SCTR: variants seen among roughly 807,000 people sequenced by gnomAD.
SCTR encodes the protein pancreatic secretin receptor.
A neutral mutation model predicts 60.8 loss-of-function variants in SCTR; 56 were observed. That is an observed-to-expected ratio of 0.92 (90% CI 0.74 to 1.15). The LOEUF (loss-of-function observed/expected upper bound fraction) is 1.15. SCTR is among the 50% of genes most tolerant of loss of function. The pLI is 0.00. For missense variants in SCTR, 562 were observed against 550.4 expected (o/e 1.02, Z -0.21); for synonymous variants, 202 against 217.0 (o/e 0.93, Z 0.61).
chr2:119,501,068 A>G (rs13406742), intron 1 of SCTR, among the ~76,000 whole-genome samples: 10,067 of 152,248 alleles, frequency 0.066, 1,104 homozygotes, highest in African/African-American at 0.23. Flanking sequence ...AGTAAGCCAG[A>G]CACAAAAAGA....
chr2:119,462,108 C>CA (rs1159239382), intron 6 of SCTR, 108 bp from the exon 7 acceptor site: 1 of 1,084,566 alleles, frequency 9.2e-7, no homozygotes, highest in Non-Finnish European at 1.3e-6. Context: ...AGCCAGGCCA[C>CA]AAGAGCGGGC....
At chr2:119,477,608 G>A (rs1482081615) in intron 3 of SCTR, among the ~76,000 whole-genome samples, 3 of 152,174 alleles carry the variant, frequency 2.0e-5, no homozygotes, top group South Asian at 2.1e-4. Flanking sequence ...GCACCACCAC[G>A]CCTAGCTAAT....
intron 1 of SCTR, among the ~76,000 whole-genome samples, chr2:119,520,223 G>A (rs969950121): frequency 1.3e-5 from 2 of 152,192 alleles, no homozygotes; most frequent in Non-Finnish European, 2.9e-5. Flanking sequence ...CTCCCAGGCT[G>A]GGCATGGTGG....
rs112022394 is a variant in SCTR at position 119,512,334 on chromosome 2, C to T, written c.72+11821G>A. On this transcript the variant is annotated intron_variant, in intron 1 of 12. Coordinates refer to ENST00000019103, the MANE Select transcript of SCTR (RefSeq NM_002980.3). The stretch of plus-strand genomic sequence containing the variant: ...CCCCTTCCCCTTCCCCTTCCCCTTC[C>T]CCTTCCCCTTCTCCTTCTCCTTCTC... 4.0e-3 allele frequency among the ~76,000 whole-genome samples: 318 copies of T among 80,488 alleles called. 1 individual carries two copies. The highest frequency in any genetic ancestry group is 0.019 in the Middle Eastern group (3 of 154). 52.8% of individuals were successfully genotyped at this position (80,488 alleles called of 152,430 possible).
chr2:119,513,950 C>A (rs898362570), intron 1 of SCTR, among the ~76,000 whole-genome samples: 1 of 152,162 alleles, frequency 6.6e-6, no homozygotes. Context: ...CTACATAAAA[C>A]TATGGTAATT....
chr2:119,478,180 T>G (rs996434268), intron 3 of SCTR, among the ~76,000 whole-genome samples: 4 of 152,226 alleles, frequency 2.6e-5, no homozygotes, highest in African/African-American at 9.6e-5. Context: ...TTATTATTAC[T>G]CTTTACTGGA....
chr2:119,504,073 T>A (rs1050945178), intron 1 of SCTR, among the ~76,000 whole-genome samples: 1 of 152,136 alleles, frequency 6.6e-6, no homozygotes, highest in African/African-American at 2.4e-5. Flanking sequence ...GAAAAGTAGA[T>A]CAATGGACAC....
intron 1 of SCTR, among the ~76,000 whole-genome samples, chr2:119,516,441 G>A (rs1396754030): frequency 6.6e-6 from 1 of 152,182 alleles, no homozygotes; most frequent in African/African-American, 2.4e-5. Context: ...AAGACATGGT[G>A]CTAAGTGAAA....
intron 1 of SCTR, among the ~76,000 whole-genome samples, chr2:119,508,897 A>T (rs1678847136): frequency 6.6e-6 from 1 of 152,202 alleles, no homozygotes; most frequent in African/African-American, 2.4e-5. Context: ...TTTAGTCATC[A>T]TGTTGTACAT....
chr2:119,508,274 A>C (rs2920692), intron 1 of SCTR, among the ~76,000 whole-genome samples: 8,874 of 152,134 alleles, frequency 0.058, 431 homozygotes, highest in African/African-American at 0.12. Context: ...CTGCTGGACT[A>C]AGAGGACTAA....
intron 1 of SCTR, among the ~76,000 whole-genome samples, chr2:119,505,309 A>C (rs1678700759): frequency 7.8e-6 from 1 of 128,204 alleles, no homozygotes; most frequent in African/African-American, 2.9e-5. Context: ...GACTAGATTA[A>C]AAAAATGTGT....
intron 2 of SCTR, chr2:119,479,928 C>G (rs1176304350): frequency 6.6e-6 from 1 of 152,220 alleles, no homozygotes; most frequent in Non-Finnish European, 1.5e-5. Context: ...CAATGCAAAA[C>G]TAGGCATTGT....
At chr2:119,474,304 C>G (rs1028350103) in intron 3 of SCTR, among the ~76,000 whole-genome samples, 1 of 152,198 alleles carries the variant, frequency 6.6e-6, no homozygotes, top group Non-Finnish European at 1.5e-5. Context: ...GGATAAAGAG[C>G]CTGCCCTGAA....
At chr2:119,524,087 G>A (rs1016134985) in intron 1 of SCTR, 68 bp downstream of exon 1, 3 of 1,293,660 alleles carry the variant, frequency 2.3e-6, no homozygotes, top group Non-Finnish European at 3.3e-6. Context: ...CATCCTGCCC[G>A]AGGCCGGAGA....
rs1558833877 is a variant in SCTR, at chr2:119,446,831, G to A, written c.1068C>T (p.Ile356=). Residue 356 remains isoleucine (I), a synonymous_variant, in exon 11 of 13, where the codon ATC becomes ATT. Transcript: ENST00000019103. ...CGTCCTCTGGGGAGAAGGCGAAGAC[G>A]ATGTAGTGGATGCCAAAGAGGGGGA... ...LLIPLFGIHY[I]VFAFSPEDAM... is the part of the protein sequence containing the mutation. 3 of 1,582,958 alleles carry A rather than the reference G, an allele frequency of 1.9e-6. No individual in the cohort carries two copies. Among genetic ancestry groups the A allele is most frequent in the Non-Finnish European group, 2.6e-6 (3 of 1,163,788 alleles).
chr2:119,482,685 C>T (rs1388012183), intron 2 of SCTR, among the ~76,000 whole-genome samples: 1 of 152,232 alleles, frequency 6.6e-6, no homozygotes, highest in East Asian at 1.9e-4. Context: ...GTGGACGCTG[C>T]TGGCTGGGCC....
chr2:119,523,423 T>TATC (rs1268779080), intron 1 of SCTR, among the ~76,000 whole-genome samples: 1 of 147,286 alleles, frequency 6.8e-6, no homozygotes, highest in Non-Finnish European at 1.5e-5. Context: ...TTATTATTAT[T>TATC]ATTATTATTA....
intron 1 of SCTR, among the ~76,000 whole-genome samples, chr2:119,496,432 T>C (rs57673747): frequency 0.016 from 2,486 of 152,322 alleles, 84 homozygotes; most frequent in African/African-American, 0.056. Context: ...GTCACAGCTT[T>C]ATATATAATA....
chr2:119,451,318 A>T (rs1683160379), intron 9 of SCTR, among the ~76,000 whole-genome samples: 1 of 152,100 alleles, frequency 6.6e-6, no homozygotes, highest in Non-Finnish European at 1.5e-5. Context: ...AACCATACCC[A>T]TGGGCTGGGC....
Sources: allele counts gnomAD v4.1 joint callset (sites outside exome capture counted in the v4.1 genomes callset), GRCh38; gene constraint gnomAD v4.1.1; transcripts MANE v1.5; gene names NCBI Gene and HGNC (gene_info 2026-07-23, HGNC 2026-07-21).